CNTN5: variants seen among roughly 807,000 people sequenced by gnomAD.
CNTN5 encodes contactin-5.
CNTN5 carries 77 observed loss-of-function variants against 129.1 expected under a neutral mutation model. That is an observed-to-expected ratio of 0.60 (90% CI 0.50 to 0.72). The LOEUF (loss-of-function observed/expected upper bound fraction) is 0.72, where lower values mean the gene tolerates loss of function less well. Among genes scored for constraint, CNTN5 ranks in the 30% least tolerant of loss-of-function variants. The probability of loss-of-function intolerance (pLI) is 0.00; values close to 1 mark genes in which losing one functional copy is unlikely to be tolerated. For missense variants in CNTN5, 1,478 were observed against 1,328.8 expected (o/e 1.11, Z -1.75); for synonymous variants, 509 against 465.6 (o/e 1.09, Z -1.20).
intron 13 of CNTN5, among the ~76,000 whole-genome samples, chr11:100,094,930 T>C (rs572625724): frequency 1.9e-4 from 29 of 152,284 alleles, no homozygotes; most frequent in African/African-American, 6.5e-4. Flanking sequence ...GACACTAGTA[T>C]CAGTCAAGAC....
intron 1 of CNTN5, among the ~76,000 whole-genome samples, chr11:99,071,775 T>C (rs1865351206): frequency 6.6e-6 from 1 of 152,098 alleles, no homozygotes; most frequent in South Asian, 2.1e-4. Context: ...AAAGATTAAG[T>C]TTGTTGTCAT....
intron 8 of CNTN5, among the ~76,000 whole-genome samples, chr11:99,997,543 G>C (rs1280235986): frequency 5.3e-5 from 8 of 152,120 alleles, no homozygotes; most frequent in African/African-American, 1.2e-4. Flanking sequence ...AGCCCAGGAC[G>C]AGATGGATTC....
intron 2 of CNTN5, among the ~76,000 whole-genome samples, chr11:99,453,614 G>A (rs1944389567): frequency 6.6e-6 from 1 of 152,142 alleles, no homozygotes; most frequent in African/African-American, 2.4e-5. Flanking sequence ...TATGAGCGAT[G>A]AAAAAACTAA....
intron 1 of CNTN5, among the ~76,000 whole-genome samples, chr11:99,144,162 C>T (rs1003710919): frequency 1.3e-5 from 2 of 152,088 alleles, no homozygotes; most frequent in Admixed American, 6.5e-5. Context: ...TGATCTTTTT[C>T]ATTTCAGGGA....
At chr11:99,086,011 C>A (rs1464646106) in intron 1 of CNTN5, among the ~76,000 whole-genome samples, 1 of 152,346 alleles carries the variant, frequency 6.6e-6, no homozygotes, top group East Asian at 1.9e-4. Context: ...CACCTCCTAC[C>A]ACCATGCAGT....
intron 6 of CNTN5, among the ~76,000 whole-genome samples, chr11:99,869,962 C>T (rs916450621): frequency 2.6e-5 from 4 of 152,084 alleles, no homozygotes; most frequent in African/African-American, 9.7e-5. Context: ...CTTAAGGATG[C>T]TGTCTGGAAA....
chr11:99,155,953 A>G (rs1454385829), intron 1 of CNTN5, among the ~76,000 whole-genome samples: 1 of 152,150 alleles, frequency 6.6e-6, no homozygotes, highest in Non-Finnish European at 1.5e-5. Context: ...CACAATAATT[A>G]ATAATACAAG....
At chr11:99,218,276 G>A (rs1294777092) in intron 1 of CNTN5, among the ~76,000 whole-genome samples, 1 of 151,966 alleles carries the variant, frequency 6.6e-6, no homozygotes, top group African/African-American at 2.4e-5. Flanking sequence ...CCTTTTTGCT[G>A]GCTCCTCATT....
chr11:100,025,603 G>A (rs1281413017), intron 9 of CNTN5, among the ~76,000 whole-genome samples: 1 of 152,284 alleles, frequency 6.6e-6, no homozygotes, highest in Admixed American at 6.5e-5. Flanking sequence ...CTGGGAGGGG[G>A]ACTGTACCCT....
At chr11:99,367,055 T>C (rs898668029) in intron 2 of CNTN5, among the ~76,000 whole-genome samples, 2 of 152,172 alleles carry the variant, frequency 1.3e-5, no homozygotes, top group African/African-American at 4.8e-5. Flanking sequence ...TTTTATGGTA[T>C]TATGCCTCTA....
intron 6 of CNTN5, among the ~76,000 whole-genome samples, chr11:99,872,130 A>AGG (rs1948518787): frequency 1.3e-5 from 2 of 151,996 alleles, no homozygotes; most frequent in Admixed American, 1.3e-4. Context: ...AATACTTTTG[A>AGG]AATATATCAA....
At chr11:100,281,800 A>G (rs1478285147) in intron 18 of CNTN5, among the ~76,000 whole-genome samples, 4 of 152,034 alleles carry the variant, frequency 2.6e-5, no homozygotes, top group Admixed American at 2.0e-4. Context: ...AGTCTGACGT[A>G]TATTTTCAAA....
intron 9 of CNTN5, among the ~76,000 whole-genome samples, chr11:100,017,068 ACTTTT>A (rs1940864545): frequency 6.6e-6 from 1 of 151,760 alleles, no homozygotes; most frequent in East Asian, 1.9e-4. Context: ...TTTTATTCCC[ACTTTT>A]CTTTTCTTTG....
At chr11:99,694,810 A>C (rs1306216835) in intron 3 of CNTN5, among the ~76,000 whole-genome samples, 1 of 152,190 alleles carries the variant, frequency 6.6e-6, no homozygotes, top group Non-Finnish European at 1.5e-5. Context: ...CTTTGTAAGT[A>C]TCTAATATAT....
intron 3 of CNTN5, among the ~76,000 whole-genome samples, chr11:99,787,442 T>C (rs1310262873): frequency 1.3e-5 from 2 of 151,714 alleles, no homozygotes; most frequent in Non-Finnish European, 2.9e-5. Flanking sequence ...ATTAAACTTA[T>C]ATTTTTAGCA....
At chr11:99,243,948 G>T (rs1042809479) in intron 1 of CNTN5, among the ~76,000 whole-genome samples, 1 of 151,748 alleles carries the variant, frequency 6.6e-6, no homozygotes. Context: ...GGATATTCAG[G>T]TTCTTTTTTG....
At chr11:99,137,586 C>T (rs886550166) in intron 1 of CNTN5, among the ~76,000 whole-genome samples, 1 of 151,916 alleles carries the variant, frequency 6.6e-6, no homozygotes, top group Non-Finnish European at 1.5e-5. Context: ...AATTTTTTTG[C>T]CTGTTTTAAA....
At chr11:99,914,743 T>G (rs1218668969) in intron 6 of CNTN5, among the ~76,000 whole-genome samples, 4 of 152,146 alleles carry the variant, frequency 2.6e-5, no homozygotes, top group Non-Finnish European at 5.9e-5. Context: ...AATACTTCTC[T>G]GTTTCTTTAT....
At position 99,819,645 on chromosome 11, in the gene CNTN5, C is replaced by A. The variant is rs12292659; in HGVS notation, c.157C>A (p.Arg53=). ...TCTCTTTGGTTCCAAAACCAGACCACGATACAGCAGCCCTTCATTAGGAAC... is the reference window on the plus strand; with the variant it reads ...TCTCTTTGGTTCCAAAACCAGACCAAGATACAGCAGCCCTTCATTAGGAAC... ...SSLFGSKTRP[R]YSSPSLGTLS... Residue 53 remains arginine (R), a synonymous_variant, in exon 4 of 25, where the codon CGA becomes AGA. Transcript: ENST00000524871. 6.3e-7 allele frequency: 1 copy of A among 1,587,464 alleles called. No homozygotes were observed. The highest frequency in any genetic ancestry group is 1.4e-5 in the African/African-American group (1 of 71,822).
Sources: allele counts gnomAD v4.1 joint callset (sites outside exome capture counted in the v4.1 genomes callset), GRCh38; gene constraint gnomAD v4.1.1; transcripts MANE v1.5; gene names NCBI Gene and HGNC (gene_info 2026-07-23, HGNC 2026-07-21).